Variants in CDK6 observed in about 807,000 individuals in gnomAD.
CDK6 encodes cyclin-dependent kinase 6.
A neutral mutation model predicts 37.1 loss-of-function variants in CDK6; 6 were observed. That is an observed-to-expected ratio of 0.16 (90% CI 0.09 to 0.32). The LOEUF (loss-of-function observed/expected upper bound fraction) is 0.32, where lower values mean the gene tolerates loss of function less well. Ranked by LOEUF, CDK6 falls within the 10% of genes least tolerant of loss-of-function variation. CDK6 has a pLI of 1.00. For synonymous variants in CDK6, 160 were observed against 161.3 expected (o/e 0.99, Z 0.06); for missense variants, 224 against 418.9 (o/e 0.53, Z 4.06).
At chr7:92,651,514 GC>G (rs1454844413) in intron 5 of CDK6, among the ~76,000 whole-genome samples, 2 of 152,108 alleles carry the variant, frequency 1.3e-5, no homozygotes, top group Admixed American at 6.5e-5. Context: ...ATTTCCAGAA[GC>G]CTTTAAGGTC....
intron 4 of CDK6, among the ~76,000 whole-genome samples, chr7:92,723,083 C>T (rs964554527): frequency 2.0e-5 from 3 of 151,950 alleles, no homozygotes; most frequent in Admixed American, 6.6e-5. Context: ...GGCTGAGACA[C>T]GAGAATCGCT....
chr7:92,755,355 T>C (rs1388462818), intron 3 of CDK6, among the ~76,000 whole-genome samples: 1 of 151,564 alleles, frequency 6.6e-6, no homozygotes, highest in Non-Finnish European at 1.5e-5. Context: ...TCATTTCCTC[T>C]CTGGTGTAAC....
At chr7:92,798,587 T>G (rs191095751) in intron 2 of CDK6, among the ~76,000 whole-genome samples, 270 of 152,336 alleles carry the variant, frequency 1.8e-3, no homozygotes, top group African/African-American at 6.2e-3. Flanking sequence ...AATTTTTTAA[T>G]GTCTACATAT....
chr7:92,666,587 A>G (rs1341627753), intron 5 of CDK6, among the ~76,000 whole-genome samples: 1 of 152,216 alleles, frequency 6.6e-6, no homozygotes, highest in Non-Finnish European at 1.5e-5. Context: ...GACCCTCATA[A>G]TAACGTTTTG....
chr7:92,716,183 T>A (rs1276052960), intron 4 of CDK6, among the ~76,000 whole-genome samples: 2 of 152,220 alleles, frequency 1.3e-5, no homozygotes, highest in East Asian at 3.9e-4. Context: ...AGCAGCAACA[T>A]GGAGAATGCA....
At chr7:92,759,811 T>C (rs966097671) in intron 3 of CDK6, among the ~76,000 whole-genome samples, 1 of 151,948 alleles carries the variant, frequency 6.6e-6, no homozygotes, top group Non-Finnish European at 1.5e-5. Flanking sequence ...AAGAAATGTA[T>C]ATTGTCCTTG....
At chr7:92,701,510 A>G (rs944292345) in intron 4 of CDK6, among the ~76,000 whole-genome samples, 1 of 151,432 alleles carries the variant, frequency 6.6e-6, no homozygotes, top group African/African-American at 2.4e-5. Context: ...GGTTCAGGCC[A>G]TTCTCCTGCC....
At chr7:92,716,082 G>A (rs1035910405) in intron 4 of CDK6, among the ~76,000 whole-genome samples, 18 of 152,244 alleles carry the variant, frequency 1.2e-4, no homozygotes, top group South Asian at 4.1e-4. Flanking sequence ...AAGGAGTGAC[G>A]CAGGCAATTG....
At chr7:92,648,082 C>A (rs896598589) in intron 5 of CDK6, among the ~76,000 whole-genome samples, 19 of 152,186 alleles carry the variant, frequency 1.2e-4, no homozygotes, top group Admixed American at 1.3e-4. Context: ...TGTAACACAA[C>A]CCGTGTGTGT....
At chr7:92,789,934 C>A (rs150128578) in intron 2 of CDK6, among the ~76,000 whole-genome samples, 132 of 152,250 alleles carry the variant, frequency 8.7e-4, no homozygotes, top group African/African-American at 3.1e-3. Flanking sequence ...ATATCAAGAT[C>A]TCCTGGACCT....
Position 92,614,930 on chromosome 7 carries a change from CAAAT to C in CDK6, c.*206_*209del. ...TGAAACAAACAGACAAACAAACAAA[CAAAT>C]GAACATAAAGCTGCAATCACTCTTG... On this transcript the variant is annotated 3_prime_UTR_variant, in exon 8 of 8. Transcript: ENST00000424848. 1 of 467,256 alleles carries C rather than the reference CAAAT, an allele frequency of 2.1e-6. No individual in the cohort carries two copies. Among genetic ancestry groups the C allele is most frequent in the East Asian group, 3.0e-5 (1 of 33,056 alleles). 28.9% of individuals were successfully genotyped at this position (467,256 alleles called of 1,614,324 possible).
At chr7:92,685,558 G>T (rs1797431517) in intron 4 of CDK6, among the ~76,000 whole-genome samples, 1 of 152,142 alleles carries the variant, frequency 6.6e-6, no homozygotes, top group Non-Finnish European at 1.5e-5. Flanking sequence ...GAAACTGTTA[G>T]GGCTTTCAAA....
At chr7:92,624,175 T>C (rs1401324075) in intron 5 of CDK6, among the ~76,000 whole-genome samples, 2 of 152,084 alleles carry the variant, frequency 1.3e-5, no homozygotes, top group Admixed American at 6.6e-5. Context: ...TTCCTGAAAA[T>C]AATGATTTCC....
intron 2 of CDK6, among the ~76,000 whole-genome samples, chr7:92,803,634 A>G (rs935493505): frequency 5.3e-5 from 8 of 152,222 alleles, no homozygotes; most frequent in Non-Finnish European, 8.8e-5. Flanking sequence ...CACAAATCAA[A>G]AAGTCTGGGT....
intron 4 of CDK6, among the ~76,000 whole-genome samples, chr7:92,676,126 GTTTTTT>G (rs1010018012): frequency 6.7e-6 from 1 of 149,410 alleles, no homozygotes; most frequent in Admixed American, 6.6e-5. Context: ...TTGTTGTTGA[GTTTTTT>G]TTTGAGTTAA....
chr7:92,694,999 A>AT (rs1670851022), intron 4 of CDK6, among the ~76,000 whole-genome samples: 1 of 152,168 alleles, frequency 6.6e-6, no homozygotes, highest in African/African-American at 2.4e-5. Flanking sequence ...CCTACGACAT[A>AT]TTAAAAAGTT....
At chr7:92,749,094 G>C (rs896704306) in intron 3 of CDK6, among the ~76,000 whole-genome samples, 2 of 152,022 alleles carry the variant, frequency 1.3e-5, no homozygotes, top group East Asian at 1.9e-4. Flanking sequence ...AGCTACTCGG[G>C]GGGCTGAGGC....
At chr7:92,731,470 T>C (rs1798648376) in intron 3 of CDK6, among the ~76,000 whole-genome samples, 2 of 152,136 alleles carry the variant, frequency 1.3e-5, no homozygotes, top group South Asian at 4.1e-4. Context: ...AGTCCAGCAA[T>C]GCCATAGTAC....
chr7:92,721,454 AG>A (rs1420023716), intron 4 of CDK6, among the ~76,000 whole-genome samples: 1 of 152,156 alleles, frequency 6.6e-6, no homozygotes, highest in African/African-American at 2.4e-5. Context: ...GATCCAGGTC[AG>A]GGGCCCCTCT....
Sources: allele counts gnomAD v4.1 joint callset (sites outside exome capture counted in the v4.1 genomes callset), GRCh38; gene constraint gnomAD v4.1.1; transcripts MANE v1.5; gene names NCBI Gene and HGNC (gene_info 2026-07-23, HGNC 2026-07-21).